PLCE1: variants seen among roughly 807,000 people sequenced by gnomAD.
The protein encoded by PLCE1 is 1-phosphatidylinositol 4,5-bisphosphate phosphodiesterase epsilon-1.
PLCE1 carries 119 observed loss-of-function variants against 242.8 expected under a neutral mutation model. The observed-to-expected ratio is 0.49, with a 90% confidence interval of 0.42 to 0.57. The LOEUF (loss-of-function observed/expected upper bound fraction) is 0.57. Ranked by LOEUF, PLCE1 falls within the 20% of genes least tolerant of loss-of-function variation. PLCE1 has a pLI of 0.00. For missense variants in PLCE1, 2,441 were observed against 2,788.8 expected (o/e 0.88, Z 2.81); for synonymous variants, 945 against 1,017.4 (o/e 0.93, Z 1.35).
At position 94,246,006 on chromosome 10, in the gene PLCE1, C is replaced by T. The variant is rs767160971; in HGVS notation, c.2481C>T (p.Tyr827=). The T allele has an allele frequency of 1.1e-5, 18 of 1,613,788 alleles. No homozygotes were observed. Among genetic ancestry groups the T allele is most frequent in the Middle Eastern group, 3.3e-4 (2 of 6,084 alleles). The change falls in exon 8 of 33, where the codon TAC becomes TAT. Residue 827 remains tyrosine, a synonymous_variant. Coordinates refer to ENST00000371380, the MANE Select transcript of PLCE1 (RefSeq NM_016341.4). Reference sequence around the variant, plus strand: ...ACATCTTTGAGCAATCCAAAGAATACGACTCTCATGGTTCAGAGGACTCAC... The same window carrying T: ...ACATCTTTGAGCAATCCAAAGAATATGACTCTCATGGTTCAGAGGACTCAC... The part of the protein sequence containing the change: ...DNDIFEQSKE[Y]DSHGSEDSQK...
At chr10:94,160,865 T>A (rs986008897) in intron 3 of PLCE1, among the ~76,000 whole-genome samples, 3 of 152,212 alleles carry the variant, frequency 2.0e-5, no homozygotes, top group Non-Finnish European at 4.4e-5. Context: ...AAATAGGGAA[T>A]CCTTTCCCCA....
chr10:94,122,327 A>G (rs1377994451), intron 2 of PLCE1, among the ~76,000 whole-genome samples: 3 of 152,234 alleles, frequency 2.0e-5, no homozygotes, highest in Non-Finnish European at 2.9e-5. Context: ...ATGGCCTGAC[A>G]TCACAATCCT....
chr10:94,139,156 T>A (rs2046878922), intron 3 of PLCE1, among the ~76,000 whole-genome samples: 1 of 152,122 alleles, frequency 6.6e-6, no homozygotes, highest in South Asian at 2.1e-4. Flanking sequence ...TAGTGGCACG[T>A]GCCTGTAATC....
chr10:94,118,043 T>C (rs2046187556), intron 2 of PLCE1, among the ~76,000 whole-genome samples: 1 of 152,222 alleles, frequency 6.6e-6, no homozygotes, highest in Non-Finnish European at 1.5e-5. Flanking sequence ...GCAAGCTTTT[T>C]AAATTACAAA....
chr10:94,324,768 C>T (rs997809240), intron 31 of PLCE1, 124 bp from the exon 32 acceptor site: 1 of 1,045,804 alleles, frequency 9.6e-7, no homozygotes, highest in Non-Finnish European at 1.5e-6. Context: ...TAGAGGGGAG[C>T]TCCTCAGCCC....
intron 4 of PLCE1, among the ~76,000 whole-genome samples, chr10:94,171,936 C>G (rs927580513): frequency 6.6e-6 from 1 of 152,150 alleles, no homozygotes; most frequent in Admixed American, 6.6e-5. Context: ...TCAGCAGAAA[C>G]ACCTAGGTCA....
chr10:94,283,806 C>A lies in PLCE1; in HGVS notation c.4812C>A (p.Asp1604Glu), dbSNP rs750964111. ...ESLSDDNILE[D>E]RPENKSCNDK... ...TATTTTCAGACAACATTCTGGAAGA[C>A]AGACCTGAAAATAAATCATGTAATG... The change falls in exon 21 of 33, where the codon GAC becomes GAA. Residue 1604 changes from aspartate (D) to glutamate (E), a missense_variant. Asp to Glu is a conservative substitution (Grantham distance 45). Coordinates refer to ENST00000371380, the MANE Select transcript of PLCE1 (RefSeq NM_016341.4). The A allele has an allele frequency of 1.2e-6, 2 of 1,611,788 alleles. No individual in the cohort carries two copies. Among genetic ancestry groups the A allele is most frequent in the South Asian group, 1.1e-5 (1 of 90,910 alleles).
At chr10:94,251,190 C>T (rs1362604753) in intron 8 of PLCE1, among the ~76,000 whole-genome samples, 2 of 152,232 alleles carry the variant, frequency 1.3e-5, no homozygotes, top group Admixed American at 6.5e-5. Flanking sequence ...CATGGACAGC[C>T]ATAAGTCACA....
rs1343589488 is a variant in PLCE1 at position 94,013,850 on chromosome 10, A to T, written c.-364-16833A>T. 2.6e-5 allele frequency among the ~76,000 whole-genome samples: 4 copies of T among 152,170 alleles called. No homozygotes were observed. The East Asian group carries it at 7.7e-4, about 29-fold the overall frequency. On this transcript the variant is annotated intron_variant, in intron 1 of 32. Coordinates refer to ENST00000371380, the MANE Select transcript of PLCE1 (RefSeq NM_016341.4). Reference sequence around the variant, plus strand: ...AGCCGAAATCGGAATGGCCTGAAGTACTTGTAGATGATCCCTGGGGGGGCT... The same window carrying T: ...AGCCGAAATCGGAATGGCCTGAAGTTCTTGTAGATGATCCCTGGGGGGGCT...
intron 2 of PLCE1, among the ~76,000 whole-genome samples, chr10:94,106,912 T>TTCTCTTTCTCTCTC (rs1392359262): frequency 1.5e-4 from 6 of 38,734 alleles, no homozygotes; most frequent in Non-Finnish European, 2.5e-4. Context: ...TGTCTCTTGT[T>TTCTCTTTCTCTCTC]TCTCTCTCTC....
intron 4 of PLCE1, among the ~76,000 whole-genome samples, chr10:94,214,261 G>A (rs927096134): frequency 2.0e-5 from 3 of 152,222 alleles, no homozygotes; most frequent in Admixed American, 6.5e-5. Context: ...ACTGCAGTAC[G>A]GGCAGTAAGG....
rs1453402710 is a variant in PLCE1, at chr10:94,293,614, A to G, written c.5142A>G (p.Ala1714=). The change falls in exon 23 of 33, where the codon GCA becomes GCG. Residue 1714 remains alanine, a synonymous_variant. Coordinates refer to ENST00000371380, the MANE Select transcript of PLCE1 (RefSeq NM_016341.4). ...GCAGAATGAGCCCAGGGGAGACAGCATCATTTAACAAAACATCTGGAAAAA... is the reference window on the plus strand; with the variant it reads ...GCAGAATGAGCCCAGGGGAGACAGCGTCATTTAACAAAACATCTGGAAAAA... ...NPGRMSPGET[A]SFNKTSGKSS... 4 of 1,613,822 alleles carry G rather than the reference A, an allele frequency of 2.5e-6. No individual in the cohort carries two copies. In the African/African-American group the frequency reaches 5.3e-5, roughly 22 times the overall value.
At chr10:94,290,823 T>C (rs552762807) in intron 22 of PLCE1, among the ~76,000 whole-genome samples, 1 of 152,330 alleles carries the variant, frequency 6.6e-6, no homozygotes, top group South Asian at 2.1e-4. Flanking sequence ...TTACCAAGTA[T>C]GTTCTGTACA....
At chr10:94,142,337 C>T (rs1365250061) in intron 3 of PLCE1, among the ~76,000 whole-genome samples, 3 of 123,432 alleles carry the variant, frequency 2.4e-5, no homozygotes, top group South Asian at 3.0e-4. Context: ...GGCAACATGG[C>T]GTGATGCTGT....
chr10:93,997,938 TA>T (rs1302463448), intron 1 of PLCE1, among the ~76,000 whole-genome samples: 1 of 152,174 alleles, frequency 6.6e-6, no homozygotes, highest in Non-Finnish European at 1.5e-5. Flanking sequence ...TACATATTCA[TA>T]ACTGTTATGG....
At position 94,231,759 on chromosome 10, in the gene PLCE1, T is replaced by A. The variant is rs555761526; in HGVS notation, c.1956-2295T>A. Among the ~76,000 whole-genome samples, 73 of 152,230 alleles carry A rather than the reference T, an allele frequency of 4.8e-4. 2 individuals are homozygous for A. The East Asian group carries it at 0.014, about 28-fold the overall frequency. ...CAGATCATCAGGCATTAGATTCTCA[T>A]AAGGAGCGTGCAACCTAGATCCCTT... On this transcript the variant is annotated intron_variant, in intron 5 of 32. Transcript: ENST00000371380.
At chr10:94,120,681 G>C (rs2046273646) in intron 2 of PLCE1, 1 of 152,188 alleles carries the variant, frequency 6.6e-6, no homozygotes, top group Non-Finnish European at 1.5e-5. Context: ...TTCACACTCT[G>C]TCCTCATTCT....
In PLCE1 at chr10:94,304,722, G is replaced by T. The variant is rs2053145903; in HGVS notation, c.5622+77G>T. ...AAAACGAACTGGTTTTGAATTCAAG[G>T]CATTGGAAAGCTGTCATGTCACAAT... On this transcript the variant is annotated intron_variant, in intron 25 of 32. Transcript: ENST00000371380. 2.0e-5 allele frequency: 27 copies of T among 1,364,922 alleles called. No homozygotes were observed. In the South Asian group the frequency reaches 3.0e-4, roughly 15 times the overall value. 84.6% of individuals were successfully genotyped at this position (1,364,922 alleles called of 1,614,324 possible).
chr10:94,197,073 T>A (rs1319627180), intron 4 of PLCE1, among the ~76,000 whole-genome samples: 1 of 152,228 alleles, frequency 6.6e-6, no homozygotes, highest in Non-Finnish European at 1.5e-5. Context: ...ATATTTTGTA[T>A]AAATTGAATC....
Sources: gnomAD v4.1 joint callset for allele counts (sites outside exome capture counted in the v4.1 genomes callset) on GRCh38, gnomAD v4.1.1 for gene constraint, MANE v1.5 for transcripts, NCBI Gene and HGNC (gene_info 2026-07-23, HGNC 2026-07-21) for gene names.